The following IQCM variants were observed in gnomAD, a reference collection of about 807,000 sequenced individuals.
The protein encoded by IQCM is IQ domain-containing protein M.
Under a neutral mutation model 57.6 loss-of-function variants are expected in IQCM, and 45 were observed. The ratio of observed to expected loss-of-function variants is 0.78; its 90% CI spans 0.62 to 1.00. The LOEUF (loss-of-function observed/expected upper bound fraction) is 1.00, where lower values mean the gene tolerates loss of function less well. Ranked by LOEUF, IQCM falls within the 50% of genes least tolerant of loss-of-function variation. IQCM has a pLI of 0.00. For missense variants in IQCM, 468 were observed against 511.6 expected (o/e 0.91, Z 0.82); for synonymous variants, 148 against 158.9 (o/e 0.93, Z 0.51).
chr4:149,641,775 T>C (rs1431212542), intron 7 of IQCM, among the ~76,000 whole-genome samples: 1 of 152,334 alleles, frequency 6.6e-6, no homozygotes, highest in Non-Finnish European at 1.5e-5. Flanking sequence ...CAACGTGTTA[T>C]ATAGCATGAC....
At chr4:149,354,370 A>C (rs867383025) in intron 13 of IQCM, among the ~76,000 whole-genome samples, 43 of 98,410 alleles carry the variant, frequency 4.4e-4, no homozygotes, top group Non-Finnish European at 7.5e-4. Flanking sequence ...TCTCAAAAAA[A>C]AAAAAAAAAA....
chr4:149,615,550 C>T (rs1011496652), intron 8 of IQCM, among the ~76,000 whole-genome samples: 8 of 151,978 alleles, frequency 5.3e-5, no homozygotes, highest in Non-Finnish European at 8.8e-5. Flanking sequence ...AGAAGTGAAA[C>T]GTTTAAAGCA....
intron 2 of IQCM, among the ~76,000 whole-genome samples, chr4:149,760,913 A>T (rs1458887008): frequency 6.6e-6 from 1 of 152,108 alleles, no homozygotes; most frequent in Non-Finnish European, 1.5e-5. Context: ...TATTATGCCC[A>T]AAGTCTTTTG....
At chr4:149,413,417 G>A (rs943070525) in intron 13 of IQCM, among the ~76,000 whole-genome samples, 1 of 152,142 alleles carries the variant, frequency 6.6e-6, no homozygotes, top group African/African-American at 2.4e-5. Flanking sequence ...GGGGAGCAGA[G>A]GCTGACGCTG....
intron 8 of IQCM, among the ~76,000 whole-genome samples, chr4:149,596,465 C>A (rs1377546657): frequency 6.6e-6 from 1 of 151,988 alleles, no homozygotes; most frequent in African/African-American, 2.4e-5. Flanking sequence ...GTTTTAATGA[C>A]CTGCATGCCC....
chr4:149,478,367 C>G (rs948391482), intron 12 of IQCM, among the ~76,000 whole-genome samples: 3 of 152,132 alleles, frequency 2.0e-5, no homozygotes, highest in African/African-American at 7.2e-5. Context: ...CTCCCATGTT[C>G]TGAAAGTCTG....
chr4:149,510,959 G>GCATA (rs1171009417), intron 12 of IQCM, among the ~76,000 whole-genome samples: 1 of 152,048 alleles, frequency 6.6e-6, no homozygotes, highest in Non-Finnish European at 1.5e-5. Flanking sequence ...GTCACTAAAG[G>GCATA]CATACTTTTT....
At chr4:149,709,561 T>G (rs1764407780) in intron 5 of IQCM, among the ~76,000 whole-genome samples, 1 of 152,154 alleles carries the variant, frequency 6.6e-6, no homozygotes, top group Non-Finnish European at 1.5e-5. Flanking sequence ...ATTTTTATCA[T>G]CAGCACTTAA....
At chr4:149,514,460 A>G (rs1744734647) in intron 12 of IQCM, 1 of 152,236 alleles carries the variant, frequency 6.6e-6, no homozygotes, top group South Asian at 2.1e-4. Flanking sequence ...AACTTGTATC[A>G]GGCAGCTATT....
chr4:149,513,514 T>G (rs562787787), intron 12 of IQCM, among the ~76,000 whole-genome samples: 31 of 152,310 alleles, frequency 2.0e-4, no homozygotes, highest in African/African-American at 6.7e-4. Context: ...ATTAAGCTAA[T>G]TTTCCAAAAT....
intron 12 of IQCM, among the ~76,000 whole-genome samples, chr4:149,537,488 C>G (rs999365718): frequency 1.3e-5 from 2 of 151,334 alleles, no homozygotes; most frequent in Admixed American, 6.6e-5. Flanking sequence ...TTTAAGTGTA[C>G]TAACATAAGT....
chr4:149,715,942 G>A (rs925578969), intron 5 of IQCM, among the ~76,000 whole-genome samples: 1 of 152,142 alleles, frequency 6.6e-6, no homozygotes, highest in African/African-American at 2.4e-5. Flanking sequence ...TGAGTCCTGG[G>A]GAGAAAGTGC....
intron 3 of IQCM, among the ~76,000 whole-genome samples, chr4:149,739,813 T>C (rs1218753594): frequency 6.6e-6 from 1 of 152,140 alleles, no homozygotes; most frequent in African/African-American, 2.4e-5. Flanking sequence ...GCCTAAAACA[T>C]TTTCACACAT....
intron 12 of IQCM, among the ~76,000 whole-genome samples, chr4:149,522,333 A>G (rs1390807043): frequency 6.6e-6 from 1 of 152,190 alleles, no homozygotes; most frequent in Non-Finnish European, 1.5e-5. Flanking sequence ...GCAAAGGAAA[A>G]TAATGCTATG....
chr4:149,419,908 T>C (rs745952154), intron 13 of IQCM, among the ~76,000 whole-genome samples: 2 of 152,040 alleles, frequency 1.3e-5, no homozygotes, highest in African/African-American at 4.8e-5. Flanking sequence ...ACATCACTGA[T>C]CTTTAGAGAA....
At chr4:149,504,167 A>C (rs1743544836) in intron 12 of IQCM, among the ~76,000 whole-genome samples, 1 of 152,176 alleles carries the variant, frequency 6.6e-6, no homozygotes, top group Admixed American at 6.5e-5. Context: ...AAAGAAATGG[A>C]TAGTCTCATA....
At chr4:149,458,858 A>T (rs1201093920) in intron 12 of IQCM, among the ~76,000 whole-genome samples, 1 of 152,188 alleles carries the variant, frequency 6.6e-6, no homozygotes, top group East Asian at 1.9e-4. Flanking sequence ...GTAAAATACT[A>T]GGTTTCAGGA....
rs550114941 is a variant in IQCM, at chr4:149,403,420, T to C, written c.1390+29976A>G. On this transcript the variant is annotated intron_variant, in intron 13 of 13. Coordinates refer to ENST00000636793, the MANE Select transcript of IQCM (RefSeq NM_001363507.2). ...TGAATTCCAAATAGGATCATCATAGTTATGCCATTTACAATGTTTTAGTTT... is the reference window on the plus strand; with the variant it reads ...TGAATTCCAAATAGGATCATCATAGCTATGCCATTTACAATGTTTTAGTTT... Among the ~76,000 whole-genome samples, 74 of 152,130 alleles carry C rather than the reference T, an allele frequency of 4.9e-4. 1 individual carries two copies. The South Asian group carries it at 0.015, about 31-fold the overall frequency.
chr4:149,582,107 A>T (rs1752240769), intron 9 of IQCM, among the ~76,000 whole-genome samples: 1 of 150,832 alleles, frequency 6.6e-6, no homozygotes, highest in African/African-American at 2.4e-5. Context: ...ATGGAGAAAA[A>T]TTCTATAGAA....
Sources: gnomAD v4.1 joint callset for allele counts (sites outside exome capture counted in the v4.1 genomes callset) on GRCh38, gnomAD v4.1.1 for gene constraint, MANE v1.5 for transcripts, NCBI Gene and HGNC (gene_info 2026-07-23, HGNC 2026-07-21) for gene names.